Variants in SYNE2 observed in about 807,000 individuals in gnomAD.
SYNE2 encodes the protein spectrin repeat containing nuclear envelope protein 2.
In SYNE2, 431 loss-of-function variants were observed where a neutral mutation model predicts 856.3. The observed-to-expected ratio is 0.50, with a 90% CI of 0.47 to 0.55. The LOEUF is 0.55. Among genes scored for constraint, SYNE2 ranks in the 20% least tolerant of loss-of-function variants. The pLI, the probability that SYNE2 is intolerant of heterozygous loss-of-function variation, is 0.00. For missense variants in SYNE2, 8,129 were observed against 8,023.2 expected, an observed-to-expected ratio of 1.01 and a Z score of -0.50; for synonymous variants, 2,923 against 2,872.3, an observed-to-expected ratio of 1.02 and a Z score of -0.56.
rs1433879775 is a variant in SYNE2 at position 64,163,387 on chromosome 14, CT to C, written c.16300-10del. On this transcript the variant is annotated splice_polypyrimidine_tract_variant and intron_variant, in intron 88 of 115. Coordinates refer to ENST00000555002, the MANE Select transcript of SYNE2 (RefSeq NM_182914.3). ...AAGGAGGAAGAGGTGTTTGCCATCC[CT>C]TTTTCTTCTGCAGGAGCTGCAGCAT... 1 of 1,613,422 alleles carries C rather than the reference CT, an allele frequency of 6.2e-7. No individual in the cohort carries two copies. The highest frequency in any genetic ancestry group is 1.3e-5 in the African/African-American group (1 of 74,978).
At position 63,990,457 on chromosome 14, in the gene SYNE2, G is replaced by C; in HGVS notation, c.2360G>C (p.Ser787Thr). The change falls in exon 20 of 116, where the codon AGT (serine) becomes ACT (threonine). Residue 787 changes from serine (S) to threonine (T), a missense_variant. This residue lies in a region of SYNE2 where 2,422 missense variants were observed against 2,357.4 expected (regional missense o/e 1.03). Coordinates refer to ENST00000555002, the MANE Select transcript of SYNE2 (RefSeq NM_182914.3). ...GSMFDELMAR[S>T]EDMLQMDIQN... ...ATGTTTGATGAGCTTATGGCAAGAA[G>C]TGAAGATATGTTACAAATGGATATA... The C allele has an allele frequency of 6.2e-7, 1 of 1,613,676 alleles. No homozygotes were observed. Among genetic ancestry groups the C allele is most frequent in the Non-Finnish European group, 8.5e-7 (1 of 1,179,934 alleles).
At chr14:64,042,087 A>G (rs559255242) in intron 45 of SYNE2, among the ~76,000 whole-genome samples, 26 of 152,308 alleles carry the variant, frequency 1.7e-4, no homozygotes, top group African/African-American at 6.3e-4. Flanking sequence ...AAAAGTTGGA[A>G]ACAATATTGT....
Position 64,085,397 on chromosome 14 carries a change from A to G in SYNE2, c.11485-2274A>G, listed in dbSNP as rs150630977. Among the ~76,000 whole-genome samples the G allele has an allele frequency of 1.6e-3, 242 of 152,354 alleles. 1 individual carries two copies. The highest frequency in any genetic ancestry group is 5.4e-3 in the African/African-American group (225 of 41,582). Reference sequence around the variant, plus strand: ...CATTCAAGGAAGCTGATATAAGGGTATGAATACCAGGAGGTAGGGGTCATT... The same window carrying G: ...CATTCAAGGAAGCTGATATAAGGGTGTGAATACCAGGAGGTAGGGGTCATT... On this transcript the variant is annotated intron_variant, in intron 57 of 115. Coordinates refer to ENST00000555002, the MANE Select transcript of SYNE2 (RefSeq NM_182914.3).
intron 65 of SYNE2, among the ~76,000 whole-genome samples, chr14:64,111,734 G>T (rs974490350): frequency 1.3e-5 from 2 of 152,022 alleles, no homozygotes; most frequent in African/African-American, 4.8e-5. Flanking sequence ...GGAGGCGGAG[G>T]TTGCAGTGAG....
chr14:63,981,942 G>A (rs113610966), intron 16 of SYNE2, among the ~76,000 whole-genome samples: 62 of 152,198 alleles, frequency 4.1e-4, no homozygotes, highest in African/African-American at 1.3e-3. Context: ...TCAAATCTTC[G>A]TCTTCCAACA....
intron 2 of SYNE2, among the ~76,000 whole-genome samples, chr14:63,910,134 A>G (rs903363672): frequency 2.2e-4 from 33 of 152,326 alleles, no homozygotes; most frequent in African/African-American, 7.9e-4. Context: ...TTATGGAACT[A>G]TGTGTTTTAA....
intron 52 of SYNE2, among the ~76,000 whole-genome samples, chr14:64,071,308 C>T (rs1357591362): frequency 6.6e-6 from 1 of 151,876 alleles, no homozygotes; most frequent in Non-Finnish European, 1.5e-5. Flanking sequence ...TCCTGGCTAA[C>T]GTGGTGAAAC....
In SYNE2 at chr14:64,084,663, G is replaced by A. The variant is rs2097546811; in HGVS notation, c.11485-3008G>A. On this transcript the variant is annotated intron_variant, in intron 57 of 115. Coordinates refer to ENST00000555002, the MANE Select transcript of SYNE2 (RefSeq NM_182914.3). ...TAGTTTGTTTATCTACCAGTTAATA[G>A]ATATTTGGGTTGCTTCCAGTTTTGA... is the stretch of plus-strand genomic sequence containing the variant. 3 of 313,278 alleles carry A rather than the reference G, an allele frequency of 9.6e-6. No homozygotes were observed. In the East Asian group the frequency reaches 1.6e-4, roughly 17 times the overall value. The allele number at this position is 313,278 out of a possible 1,614,324, so 19.4% of individuals were successfully genotyped here.
intron 22 of SYNE2, among the ~76,000 whole-genome samples, chr14:63,994,206 G>C (rs543455812): frequency 1.3e-5 from 2 of 152,218 alleles, no homozygotes; most frequent in African/African-American, 4.8e-5. Flanking sequence ...TAACTTTTAG[G>C]AGCCTCCCTG....
chr14:64,059,219 T>C (rs2097297279), intron 49 of SYNE2, among the ~76,000 whole-genome samples: 1 of 152,174 alleles, frequency 6.6e-6, no homozygotes, highest in Non-Finnish European at 1.5e-5. Flanking sequence ...TCTTGATGCT[T>C]GTGGATGTTT....
At position 63,928,905 on chromosome 14, in the gene SYNE2, A is replaced by G. The variant is rs1056781414; in HGVS notation, c.80-11709A>G. ...TGGGGAATGGCAACAGGGTCTCATT[A>G]GCACATGCCTGTGACATAATAAGAA... On this transcript the variant is annotated intron_variant, in intron 2 of 115. Coordinates refer to ENST00000555002, the MANE Select transcript of SYNE2 (RefSeq NM_182914.3). Among the ~76,000 whole-genome samples the G allele has an allele frequency of 8.5e-5, 13 of 152,148 alleles. No homozygotes were observed. In the East Asian group the frequency reaches 2.3e-3, roughly 27 times the overall value.
At chr14:63,929,041 G>A (rs1342299971) in intron 2 of SYNE2, among the ~76,000 whole-genome samples, 1 of 152,058 alleles carries the variant, frequency 6.6e-6, no homozygotes, top group Admixed American at 6.6e-5. Context: ...ATTTGATCTT[G>A]GCTCTGGTTC....
At chr14:64,050,080 A>G (rs1166883189) in intron 47 of SYNE2, among the ~76,000 whole-genome samples, 1 of 151,840 alleles carries the variant, frequency 6.6e-6, no homozygotes, top group Non-Finnish European at 1.5e-5. Context: ...CTGATAAAAA[A>G]CAAAATTATT....
At chr14:63,863,819 A>C (rs1299290845) in intron 1 of SYNE2, among the ~76,000 whole-genome samples, 1 of 152,100 alleles carries the variant, frequency 6.6e-6, no homozygotes, top group Non-Finnish European at 1.5e-5. Flanking sequence ...TTATTTTTTT[A>C]TCTTTATTAT....
At chr14:64,188,278 G>T (rs763185832) in intron 97 of SYNE2, among the ~76,000 whole-genome samples, 1 of 152,194 alleles carries the variant, frequency 6.6e-6, no homozygotes, top group Non-Finnish European at 1.5e-5. Context: ...ACTATAACCA[G>T]ATAGTAACAC....
intron 1 of SYNE2, among the ~76,000 whole-genome samples, chr14:63,814,485 T>TTA (rs924738504): frequency 5.6e-5 from 2 of 35,928 alleles, no homozygotes; most frequent in African/African-American, 7.3e-5. Context: ...ATATATATCC[T>TTA]TATATATATC....
In SYNE2 at chr14:64,051,996, G is replaced by A. The variant is rs1567160569; in HGVS notation, c.8083G>A (p.Gly2695Arg). ...QAELQMKRIW[G>R]EKEKKNLEDG... The stretch of plus-strand genomic sequence containing the variant: ...TGAACTTCAGATGAAGAGGATTTGG[G>A]GAGAAAAAGAAAAGAAGAATTTGGA... Residue 2695 changes from glycine (G) to arginine (R), a missense_variant, in exon 48 of 116, where the codon GGA becomes AGA. Gly to Arg is a moderately radical substitution (Grantham distance 125, BLOSUM62 -2). This residue lies in a region of SYNE2 where 5,410 missense variants were observed against 5,284.8 expected (regional missense o/e 1.02). Transcript: ENST00000555002. The A allele has an allele frequency of 3.1e-6, 5 of 1,613,678 alleles. No individual in the cohort carries two copies. The highest frequency in any genetic ancestry group is 3.4e-6 in the Non-Finnish European group (4 of 1,179,944).
At chr14:63,800,648 C>A (rs1387216931) in intron 1 of SYNE2, among the ~76,000 whole-genome samples, 2 of 152,144 alleles carry the variant, frequency 1.3e-5, no homozygotes, top group East Asian at 1.9e-4. Context: ...AGAAAAAGAT[C>A]ATGTATTTTG....
intron 100 of SYNE2, among the ~76,000 whole-genome samples, 155 bp from the exon 101 acceptor site, chr14:64,208,603 G>T (rs1364048844): frequency 3.3e-5 from 5 of 152,148 alleles, no homozygotes; most frequent in Non-Finnish European, 4.4e-5. Context: ...AAGATGAGAG[G>T]GATTCCATGT....
Sources: allele counts gnomAD v4.1 joint callset (sites outside exome capture counted in the v4.1 genomes callset), GRCh38; gene constraint gnomAD v4.1.1; regional missense constraint gnomAD v4.1.1; transcripts MANE v1.5; gene names NCBI Gene and HGNC (gene_info 2026-07-23, HGNC 2026-07-21).